Variants in MBP observed in about 807,000 individuals in gnomAD.
MBP encodes the protein myelin basic protein.
Under a neutral mutation model 35.8 loss-of-function variants are expected in MBP, and 16 were observed. That is an observed-to-expected ratio of 0.45 (90% CI 0.30 to 0.68). The LOEUF is 0.68. MBP is among the 30% of genes least tolerant of loss of function. The pLI is 0.08. For missense variants in MBP, 380 were observed against 404.7 expected (o/e 0.94, Z 0.52); for synonymous variants, 143 against 159.6 (o/e 0.90, Z 0.78).
intron 4 of MBP, chr18:77,003,828 T>C (rs1285061845): frequency 6.6e-6 from 1 of 152,148 alleles, no homozygotes; most frequent in Non-Finnish European, 1.5e-5. Context: ...TTAAAGATGC[T>C]CAAAGGAGAC....
At chr18:77,098,168 C>CTTTTTTTTTTTTTTTTTTTTTTTTTT (rs3214873) in intron 2 of MBP, among the ~76,000 whole-genome samples, 1 of 108,546 alleles carries the variant, frequency 9.2e-6, no homozygotes, top group Admixed American at 1.1e-4. Context: ...CAAGGACTTC[C>CTTTTTTTTTTTTTTTTTTTTTTTTTT]TTTTTTTTTT....
At chr18:77,050,616 G>C (rs1047527494) in intron 3 of MBP, among the ~76,000 whole-genome samples, 1 of 152,046 alleles carries the variant, frequency 6.6e-6, no homozygotes, top group African/African-American at 2.4e-5. Context: ...GCGTGATCTC[G>C]GCTCACTGCA....
intron 1 of MBP, among the ~76,000 whole-genome samples, chr18:77,120,622 G>T (rs1368555837): frequency 6.6e-6 from 1 of 152,192 alleles, no homozygotes; most frequent in Non-Finnish European, 1.5e-5. Context: ...TAGTCACGAG[G>T]TCTATCGCAC....
chr18:77,091,818 AC>A (rs1228948616), intron 2 of MBP, among the ~76,000 whole-genome samples: 1 of 152,032 alleles, frequency 6.6e-6, no homozygotes, highest in African/African-American at 2.4e-5. Context: ...CCACAGACAC[AC>A]ACCCGCACAT....
At chr18:77,077,009 G>C (rs1974679727) in intron 2 of MBP, among the ~76,000 whole-genome samples, 1 of 152,166 alleles carries the variant, frequency 6.6e-6, no homozygotes, top group Non-Finnish European at 1.5e-5. Flanking sequence ...AAGATGAAGA[G>C]AGTTAATATT....
rs779581554 is a variant in MBP, at chr18:76,988,903, G to A, written c.691C>T (p.Arg231Cys). Residue 231 changes from arginine (R) to cysteine (C), a missense_variant, in exon 6 of 9, where the codon CGC becomes TGC. Coordinates refer to ENST00000355994, the MANE Select transcript of MBP (RefSeq NM_001025101.2). This position sits in a 1 kb window ranked among gnomAD's most constrained non-coding sequence, Gnocchi z 5.2. ...VHFFKNIVTP[R>C]TPPPSQGKGR... Reference sequence around the variant, plus strand: ...TTTCCCTGCGACGGGGGTGGTGTGCGAGGCGTCACCTGGAAAGACACAGAG... The same window carrying A: ...TTTCCCTGCGACGGGGGTGGTGTGCAAGGCGTCACCTGGAAAGACACAGAG... 2.5e-6 allele frequency: 4 copies of A among 1,613,928 alleles called. No individual in the cohort carries two copies. Among genetic ancestry groups the A allele is most frequent in the South Asian group, 1.1e-5 (1 of 91,076 alleles).
At position 77,131,069 on chromosome 18, in the gene MBP, ACGCGCGCACG is replaced by A. The variant is rs1568354770; in HGVS notation, c.-26+1501_-26+1510del. Among the ~76,000 whole-genome samples the A allele has an allele frequency of 1.2e-5, 1 of 80,700 alleles. No individual in the cohort carries two copies. Among genetic ancestry groups the A allele is most frequent in the Admixed American group, 1.2e-4 (1 of 8,552 alleles). 52.9% of individuals were successfully genotyped at this position (80,700 alleles called of 152,430 possible). ...AAACCTCAAAAAACAAAACACACACACGCGCGCACGCACGCGCACACACACACACACACAC... is the reference window on the plus strand; with the variant it reads ...AAACCTCAAAAAACAAAACACACACACACGCGCACACACACACACACACAC... On this transcript the variant is annotated intron_variant, in intron 1 of 8. Coordinates refer to ENST00000355994, the MANE Select transcript of MBP (RefSeq NM_001025101.2). The surrounding 1 kb of genome is among the most constrained non-coding windows in gnomAD (Gnocchi z 5.5).
Position 77,083,695 on chromosome 18 carries a change from A to G in MBP, c.52-17310T>C, listed in dbSNP as rs1381344751. Among the ~76,000 whole-genome samples, 4 of 152,384 alleles carry G rather than the reference A, an allele frequency of 2.6e-5. No homozygotes were observed. In the East Asian group the frequency reaches 7.7e-4, roughly 29 times the overall value. On this transcript the variant is annotated intron_variant, in intron 2 of 8. Coordinates refer to ENST00000355994, the MANE Select transcript of MBP (RefSeq NM_001025101.2). ...ATAAAAAAGAATAAAGCACTGATATATGCTGTAACATGGATGAATCCTGAA... is the reference window on the plus strand; with the variant it reads ...ATAAAAAAGAATAAAGCACTGATATGTGCTGTAACATGGATGAATCCTGAA...
intron 4 of MBP, chr18:77,006,002 C>T (rs1045786642): frequency 6.6e-6 from 1 of 152,300 alleles, no homozygotes; most frequent in East Asian, 1.9e-4. Flanking sequence ...GAAGGAAGCT[C>T]AGAGAAGACA....
chr18:77,007,727 C>T (rs1971074087), intron 4 of MBP, among the ~76,000 whole-genome samples: 2 of 152,340 alleles, frequency 1.3e-5, no homozygotes, highest in African/African-American at 4.8e-5. Context: ...GTGCTGAGCA[C>T]AAGGAGCTGA....
chr18:76,998,497 C>G (rs1599508416), intron 4 of MBP, among the ~76,000 whole-genome samples: 1 of 152,068 alleles, frequency 6.6e-6, no homozygotes, highest in Non-Finnish European at 1.5e-5. Context: ...CCCGGAGCCA[C>G]GCTGATCTGA....
In MBP at chr18:77,087,151, A is replaced by C. The variant is rs572446798; in HGVS notation, c.51+18060T>G. On this transcript the variant is annotated intron_variant, in intron 2 of 8. Coordinates refer to ENST00000355994, the MANE Select transcript of MBP (RefSeq NM_001025101.2). The stretch of plus-strand genomic sequence containing the variant: ...CACTGGCAGAGCCCTTGCCACCGCA[A>C]ACGGAAAGAGGGAGGGACTCCTGAC... Among the ~76,000 whole-genome samples the C allele has an allele frequency of 4.6e-5, 7 of 151,738 alleles. No individual in the cohort carries two copies. The South Asian group carries it at 1.5e-3, about 32-fold the overall frequency.
intron 2 of MBP, among the ~76,000 whole-genome samples, 190 bp downstream of exon 2, chr18:77,105,021 A>C (rs1976208561): frequency 6.8e-6 from 1 of 146,306 alleles, no homozygotes. Flanking sequence ...GAATAAATTA[A>C]TAATTAATAA....
Position 77,090,362 on chromosome 18 carries a change from C to T in MBP, c.51+14849G>A, listed in dbSNP as rs116454923. 1.8e-3 allele frequency among the ~76,000 whole-genome samples: 270 copies of T among 151,740 alleles called. 1 individual carries two copies. Among genetic ancestry groups the T allele is most frequent in the African/African-American group, 6.1e-3 (252 of 41,218 alleles). On this transcript the variant is annotated intron_variant, in intron 2 of 8. Transcript: ENST00000355994. The stretch of plus-strand genomic sequence containing the variant: ...AACGTGCTATTCACACTCACGTGTC[C>T]ATACCAAACAACACTGTTTGGATCC...
Position 76,988,337 on chromosome 18 carries a change from G to A in MBP, c.750+158C>T. On this transcript the variant is annotated intron_variant, in intron 7 of 8. Coordinates refer to ENST00000355994, the MANE Select transcript of MBP (RefSeq NM_001025101.2). The surrounding 1 kb of genome is among the most constrained non-coding windows in gnomAD (Gnocchi z 5.2). ...AAGACCACGTTTCATTTCCCCAGTG[G>A]AAGACAAGGCGGCCCGATCCCAGCT... is the stretch of plus-strand genomic sequence containing the variant. 6.3e-7 allele frequency: 1 copy of A among 1,597,232 alleles called. No homozygotes were observed. Among genetic ancestry groups the A allele is most frequent in the Non-Finnish European group, 8.5e-7 (1 of 1,171,652 alleles).
rs1221501534 is a variant in MBP, at chr18:77,020,037, G to A, written c.140-2769C>T. On this transcript the variant is annotated intron_variant, in intron 3 of 8. Transcript: ENST00000355994. The surrounding 1 kb of genome is among the most constrained non-coding windows in gnomAD (Gnocchi z 4.1). ...ACAGACTGTGGAAAGGGCAGAGCAG[G>A]CAGCTATGTGGCGAGAAGACAGGGC... Among the ~76,000 whole-genome samples the A allele has an allele frequency of 6.6e-6, 1 of 152,186 alleles. No individual in the cohort carries two copies. The highest frequency in any genetic ancestry group is 1.5e-5 in the Non-Finnish European group (1 of 68,026).
rs1176710971 is a variant in MBP at position 77,044,453 on chromosome 18, C to T, written c.139+21845G>A. On this transcript the variant is annotated intron_variant, in intron 3 of 8. Transcript: ENST00000355994. The surrounding 1 kb of genome is among the most constrained non-coding windows in gnomAD (Gnocchi z 4.4). ...TGGGGACCTGGGGACTGCTGTCCTCCTTCCCAGCATGAAGTTCTACTGCAA... is the reference window on the plus strand; with the variant it reads ...TGGGGACCTGGGGACTGCTGTCCTCTTTCCCAGCATGAAGTTCTACTGCAA... 1.3e-5 allele frequency among the ~76,000 whole-genome samples: 2 copies of T among 152,144 alleles called. No homozygotes were observed. The highest frequency in any genetic ancestry group is 2.9e-5 in the Non-Finnish European group (2 of 68,022).
At chr18:77,064,762 G>A (rs751132875) in intron 3 of MBP, among the ~76,000 whole-genome samples, 2 of 152,222 alleles carry the variant, frequency 1.3e-5, no homozygotes, top group East Asian at 3.8e-4. Flanking sequence ...TGGCCAGGAA[G>A]CCTGTTTGCC....
At chr18:77,035,115 G>A (rs1237882796) in intron 3 of MBP, among the ~76,000 whole-genome samples, 1 of 152,154 alleles carries the variant, frequency 6.6e-6, no homozygotes, top group African/African-American at 2.4e-5. Context: ...AACAGGCTCC[G>A]GGGCACAGGC....
Sources: gnomAD v4.1 joint callset for allele counts (sites outside exome capture counted in the v4.1 genomes callset) on GRCh38, gnomAD v4.1.1 for gene constraint, Gnocchi (gnomAD v3.1) non-coding constraint, MANE v1.5 for transcripts, NCBI Gene and HGNC (gene_info 2026-07-23, HGNC 2026-07-21) for gene names.